FAP: variants seen among roughly 807,000 people sequenced by gnomAD.
FAP encodes fibroblast activation protein alpha, also known as prolyl endopeptidase FAP.
FAP carries 110 observed loss-of-function variants against 126.5 expected under a neutral mutation model. The observed-to-expected ratio is 0.87, with a 90% CI of 0.74 to 1.02. The LOEUF is 1.02. FAP is among the 50% of genes least tolerant of loss of function. The probability of loss-of-function intolerance (pLI) is 0.00; values close to 1 mark genes in which losing one functional copy is unlikely to be tolerated. For synonymous variants in FAP, 334 were observed against 297.3 expected, an observed-to-expected ratio of 1.12 and a Z score of -1.27; for missense variants, 919 against 909.2, an observed-to-expected ratio of 1.01 and a Z score of -0.14.
At chr2:162,221,694 C>T in intron 6 of FAP, 1 of 456,650 alleles carries the variant, frequency 2.2e-6, no homozygotes, top group South Asian at 1.5e-5. Context: ...ATGTCTCAAG[C>T]CATCACAGCT....
chr2:162,172,926 A>G, intron 24 of FAP, 42 bp from the exon 25 acceptor site: 1 of 1,467,872 alleles, frequency 6.8e-7, no homozygotes, highest in South Asian at 1.1e-5. Context: ...GCTAAATACC[A>G]GAAAGCATAG....
At position 162,179,812 on chromosome 2, in the gene FAP, A is replaced by ATTTT. The variant is rs1206502227; in HGVS notation, c.1869+3598_1869+3601dup. Among the ~76,000 whole-genome samples, 725 of 90,488 alleles carry ATTTT rather than the reference A, an allele frequency of 8.0e-3. 9 individuals are homozygous for ATTTT. Among genetic ancestry groups the ATTTT allele is most frequent in the African/African-American group, 0.023 (640 of 27,744 alleles). 59.4% of individuals were successfully genotyped at this position (90,488 alleles called of 152,430 possible). ...TATCTATATATATATATATATATAT[A>ATTTT]TTTTTTTTTTTTTTGAGATGGAGTC... On this transcript the variant is annotated intron_variant, in intron 21 of 25. Transcript: ENST00000188790.
At chr2:162,180,369 T>C (rs1192682097) in intron 21 of FAP, among the ~76,000 whole-genome samples, 5 of 152,126 alleles carry the variant, frequency 3.3e-5, no homozygotes, top group African/African-American at 1.2e-4. Flanking sequence ...TAAATTGAAG[T>C]GCGAAACCTG....
rs1688450145 is a variant in FAP at position 162,200,424 on chromosome 2, T to C, written c.1277+142A>G. On this transcript the variant is annotated intron_variant, in intron 15 of 25. Transcript: ENST00000188790. ...GCGAGTGTGTGTTTTTTATACCCAT[T>C]CTCCAAATGTTTTCTCTAAATTCAT... 3 of 563,258 alleles carry C rather than the reference T, an allele frequency of 5.3e-6. No homozygotes were observed. The Admixed American group carries it at 1.2e-4, about 23-fold the overall frequency. The allele number at this position is 563,258 out of a possible 1,614,324, so 34.9% of individuals were successfully genotyped here.
intron 3 of FAP, 121 bp from the exon 4 acceptor site, chr2:162,225,698 T>TCACAAAGCAATA: frequency 2.1e-6 from 2 of 974,502 alleles, no homozygotes; most frequent in Non-Finnish European, 2.8e-6. Context: ...CCAGTACATA[T>TCACAAAGCAATA]TGCTTTGTGA....
Position 162,172,817 on chromosome 2 carries a change from C to G in FAP, c.2175G>C (p.Gln725His), listed in dbSNP as rs1356938487. The change falls in exon 25 of 26, where the codon CAG becomes CAC. Residue 725 changes from glutamine to histidine, a missense_variant. By Grantham distance (24) the Gln-to-His change is conservative. Coordinates refer to ENST00000188790, the MANE Select transcript of FAP (RefSeq NM_004460.5). Reference protein sequence around the residue: ...KALVNAQVDFQAMWYSDQNHG... With the variant: ...KALVNAQVDFHAMWYSDQNHG... ...GTAAAACAAAATTATGTACCATTGC[C>G]TGGAAATCCACTTGTGCATTAACCA... is the stretch of plus-strand genomic sequence containing the variant. 1.9e-6 allele frequency: 3 copies of G among 1,611,836 alleles called. No homozygotes were observed. In the South Asian group the frequency reaches 3.3e-5, roughly 18 times the overall value.
Position 162,170,922 on chromosome 2 carries a change from CTG to C in FAP, c.*55_*56del. The C allele has an allele frequency of 7.9e-7, 1 of 1,260,244 alleles. No individual in the cohort carries two copies. The highest frequency in any genetic ancestry group is 1.7e-5 in the Admixed American group (1 of 57,202). 78.1% of individuals were successfully genotyped at this position (1,260,244 alleles called of 1,614,324 possible). A position where few individuals can be genotyped will look rare whatever the true frequency, so the allele number is the denominator to read the frequency against. On this transcript the variant is annotated 3_prime_UTR_variant, in exon 26 of 26. Transcript: ENST00000188790. The stretch of plus-strand genomic sequence containing the variant: ...ATAAAAAATAAAATAAGCAAACTGT[CTG>C]AGGGGTTTATATAAGGTTTTCAGAT...
intron 20 of FAP, among the ~76,000 whole-genome samples, chr2:162,187,267 T>G (rs1040349172): frequency 1.3e-5 from 2 of 152,056 alleles, no homozygotes; most frequent in African/African-American, 4.8e-5. Flanking sequence ...TTAATAACAT[T>G]AAGGGGATAA....
chr2:162,202,608 A>C (rs1688539646), intron 14 of FAP, among the ~76,000 whole-genome samples: 1 of 152,250 alleles, frequency 6.6e-6, no homozygotes, highest in Non-Finnish European at 1.5e-5. Flanking sequence ...CTTTAGAACG[A>C]GTTATTATCT....
At chr2:162,225,163 C>A (rs1167246628) in intron 4 of FAP, among the ~76,000 whole-genome samples, 2 of 152,148 alleles carry the variant, frequency 1.3e-5, no homozygotes, top group Non-Finnish European at 2.9e-5. Flanking sequence ...TGTAGTGAAA[C>A]CCCTTACCTA....
chr2:162,213,020 T>A (rs1576174496), intron 11 of FAP, among the ~76,000 whole-genome samples: 1 of 152,326 alleles, frequency 6.6e-6, no homozygotes, highest in East Asian at 1.9e-4. Flanking sequence ...GATAACCAGG[T>A]AACAGAATAA....
intron 18 of FAP, among the ~76,000 whole-genome samples, 167 bp downstream of exon 18, chr2:162,189,489 A>G (rs143593673): frequency 1.5e-4 from 23 of 151,994 alleles, no homozygotes; most frequent in Non-Finnish European, 3.1e-4. Context: ...CATATTAAAG[A>G]TATTTAGTAA....
At chr2:162,228,893 A>G (rs1432485729) in intron 2 of FAP, among the ~76,000 whole-genome samples, 1 of 152,214 alleles carries the variant, frequency 6.6e-6, no homozygotes, top group Non-Finnish European at 1.5e-5. Flanking sequence ...TTATAACACT[A>G]TTCATAGTGG....
chr2:162,179,810 A>ATTTTTTTTTTTTTTT (rs1186933075), intron 21 of FAP, among the ~76,000 whole-genome samples: 1 of 107,126 alleles, frequency 9.3e-6, no homozygotes, highest in African/African-American at 3.0e-5. Context: ...ATATATATAT[A>ATTTTTTTTTTTTTTT]TATTTTTTTT....
intron 4 of FAP, 21 bp from the exon 5 acceptor site, chr2:162,224,561 A>T (rs774667478): frequency 1.2e-5 from 18 of 1,457,882 alleles, no homozygotes; most frequent in Non-Finnish European, 1.7e-5. Flanking sequence ...GAAGAGGTTG[A>T]TTAGAATACA....
At chr2:162,172,995 T>C (rs996097363) in intron 24 of FAP, 111 bp from the exon 25 acceptor site, 23 of 1,109,474 alleles carry the variant, frequency 2.1e-5, no homozygotes, top group Non-Finnish European at 2.8e-5. Context: ...GCATTTGACA[T>C]TGTCAGCAGT....
chr2:162,224,901 AG>A (rs1303172363), intron 4 of FAP, among the ~76,000 whole-genome samples: 1 of 152,154 alleles, frequency 6.6e-6, no homozygotes, highest in Non-Finnish European at 1.5e-5. Context: ...AGAGAAAGAG[AG>A]TATTATCTAA....
At chr2:162,234,895 G>T (rs1380107012) in intron 2 of FAP, among the ~76,000 whole-genome samples, 1 of 152,124 alleles carries the variant, frequency 6.6e-6, no homozygotes, top group African/African-American at 2.4e-5. Context: ...TGCACCCCAC[G>T]CTTGCCGGCC....
rs372045294 is a variant in FAP at position 162,218,264 on chromosome 2, T to G, written c.608-124A>C. 690 of 616,732 alleles carry G rather than the reference T, an allele frequency of 1.1e-3. 10 individuals carry two copies. In the South Asian group the frequency reaches 0.014, roughly 13 times the overall value. 38.2% of individuals were successfully genotyped at this position (616,732 alleles called of 1,614,324 possible). ...TTTAATGTGGATGTGACATATGTCA[T>G]ACTTTGGTTATTAAAAAATTACATA... On this transcript the variant is annotated intron_variant, in intron 8 of 25. Transcript: ENST00000188790.
Sources: gnomAD v4.1 joint callset for allele counts (sites outside exome capture counted in the v4.1 genomes callset) on GRCh38, gnomAD v4.1.1 for gene constraint, MANE v1.5 for transcripts, NCBI Gene and HGNC (gene_info 2026-07-23, HGNC 2026-07-21) for gene names.